ZNF384: variants seen among roughly 807,000 people sequenced by gnomAD.
ZNF384 encodes the protein CAG repeat protein 1.
A neutral mutation model predicts 65.0 loss-of-function variants in ZNF384; 20 were observed. That is an observed-to-expected ratio of 0.31 (90% CI 0.22 to 0.45). The LOEUF is 0.45. ZNF384 is among the 20% of genes least tolerant of loss of function. The pLI, the probability that ZNF384 is intolerant of heterozygous loss-of-function variation, is 1.00. For synonymous variants in ZNF384, 310 were observed against 303.9 expected (o/e 1.02, Z -0.21); for missense variants, 549 against 769.4 (o/e 0.71, Z 3.39).
Position 6,673,142 on chromosome 12 carries a change from G to T in ZNF384, c.1004+74C>A, listed in dbSNP as rs1447686193. 5.3e-6 allele frequency: 7 copies of T among 1,328,556 alleles called. No individual in the cohort carries two copies. The African/African-American group carries it at 1.0e-4, about 19-fold the overall frequency. The allele number at this position is 1,328,556 out of a possible 1,614,324, so 82.3% of individuals were successfully genotyped here. A position where few individuals can be genotyped will look rare whatever the true frequency, so the allele number is the denominator to read the frequency against. On this transcript the variant is annotated intron_variant, in intron 8 of 11. Coordinates refer to ENST00000683879, the MANE Select transcript of ZNF384 (RefSeq NM_001385745.1). This position sits in a 1 kb window ranked among gnomAD's most constrained non-coding sequence, Gnocchi z 4.7. Reference sequence around the variant, plus strand: ...AAAGGGAAAGAATAATACATGTGGAGAGAGGAGTAGGTGCAGGCAACATGG... The same window carrying T: ...AAAGGGAAAGAATAATACATGTGGATAGAGGAGTAGGTGCAGGCAACATGG...
Position 6,678,241 on chromosome 12 carries a change from G to C in ZNF384, c.572C>G (p.Pro191Arg), listed in dbSNP as rs199603610. 6.2e-7 allele frequency: 1 copy of C among 1,614,072 alleles called. No individual in the cohort carries two copies. The highest frequency in any genetic ancestry group is 8.5e-7 in the Non-Finnish European group (1 of 1,180,008). Residue 191 changes from proline (P) to arginine (R), a missense_variant, in exon 6 of 12, where the codon CCC (proline) becomes CGC (arginine). Physicochemically the swap from Pro to Arg is moderately radical, Grantham distance 103. This residue lies in a region of ZNF384 where 277 missense variants were observed against 337.2 expected (regional missense o/e 0.82). Transcript: ENST00000683879. This position sits in a 1 kb window ranked among gnomAD's most constrained non-coding sequence, Gnocchi z 4.9. Reference protein sequence around the residue: ...GGGGSVAPKPPRGRKKKRMLE... With the variant: ...GGGGSVAPKPRRGRKKKRMLE... ...CATCCGCTTCTTCTTCCGGCCCCGG[G>C]GTGGCTTAGGAGCCACACTGCCACC...
rs1158220278 is a variant in ZNF384 at position 6,678,948 on chromosome 12, G to A, written c.302C>T (p.Ala101Val). Reference sequence around the variant, plus strand: ...TGGAGAAGAGCAGAGTTGCTCACCAGCAGTCATCAGTCCTGTAGACGGCAC... The same window carrying A: ...TGGAGAAGAGCAGAGTTGCTCACCAACAGTCATCAGTCCTGTAGACGGCAC... ...VPVPSTGLMT[A>V]GVSCSQRWRR... The change falls in exon 4 of 12, where the codon GCT (alanine) becomes GTT (valine). Residue 101 changes from alanine to valine, a missense_variant and splice_region_variant. Physicochemically the swap from Ala to Val is moderately conservative, Grantham distance 64 (BLOSUM62 0). This residue lies in a region of ZNF384 where 277 missense variants were observed against 337.2 expected (regional missense o/e 0.82). Coordinates refer to ENST00000683879, the MANE Select transcript of ZNF384 (RefSeq NM_001385745.1). The surrounding 1 kb of genome is among the most constrained non-coding windows in gnomAD (Gnocchi z 4.9). 6.2e-7 allele frequency: 1 copy of A among 1,613,406 alleles called. No homozygotes were observed. The highest frequency in any genetic ancestry group is 1.1e-5 in the South Asian group (1 of 91,062).
At chr12:6,679,328 G>A in intron 3 of ZNF384, 127 bp downstream of exon 3, 3 of 1,210,854 alleles carry the variant, frequency 2.5e-6, no homozygotes, top group Non-Finnish European at 3.5e-6. Flanking sequence ...AGAAGCCCAG[G>A]CAGAAACACT....
At chr12:6,689,518 G>A (rs182654973), upstream of ZNF384, 1,764 of 152,542 alleles carry the variant, frequency 0.012, 22 homozygotes, top group Middle Eastern at 0.037. Flanking sequence ...AGCAATGTAG[G>A]GGGGGCGCTA....
In ZNF384 at chr12:6,673,128, A is replaced by G; in HGVS notation, c.1004+88T>C. On this transcript the variant is annotated intron_variant, in intron 8 of 11. Coordinates refer to ENST00000683879, the MANE Select transcript of ZNF384 (RefSeq NM_001385745.1). The surrounding 1 kb of genome is among the most constrained non-coding windows in gnomAD (Gnocchi z 4.7). Reference sequence around the variant, plus strand: ...AATGGGCAAAGGTGAAAGGGAAAGAATAATACATGTGGAGAGAGGAGTAGG... The same window carrying G: ...AATGGGCAAAGGTGAAAGGGAAAGAGTAATACATGTGGAGAGAGGAGTAGG... 1 of 1,226,604 alleles carries G rather than the reference A, an allele frequency of 8.2e-7. No individual in the cohort carries two copies. Among genetic ancestry groups the G allele is most frequent in the Middle Eastern group, 2.0e-4 (1 of 4,980 alleles). 76.0% of individuals were successfully genotyped at this position (1,226,604 alleles called of 1,614,324 possible). A position where few individuals can be genotyped will look rare whatever the true frequency, so the allele number is the denominator to read the frequency against.
chr12:6,687,587 T>C (rs1295205875), intron 2 of ZNF384, among the ~76,000 whole-genome samples: 1 of 152,182 alleles, frequency 6.6e-6, no homozygotes, highest in African/African-American at 2.4e-5. Context: ...GACCTACTTC[T>C]GGAGTCTACT....
At chr12:6,689,466 A>T (rs75448266), upstream of ZNF384, 1 of 152,304 alleles carries the variant, frequency 6.6e-6, no homozygotes, top group East Asian at 1.9e-4. Context: ...TGCGGAGAGA[A>T]GGCGGGAGCG....
chr12:6,680,400 G>T (rs1017814894), intron 2 of ZNF384, among the ~76,000 whole-genome samples: 3 of 152,166 alleles, frequency 2.0e-5, no homozygotes, highest in Admixed American at 6.5e-5. Context: ...TGTAATCCCA[G>T]CACTTTGGGA....
At chr12:6,682,890 G>A (rs1956565297) in intron 2 of ZNF384, among the ~76,000 whole-genome samples, 1 of 152,208 alleles carries the variant, frequency 6.6e-6, no homozygotes, top group South Asian at 2.1e-4. Flanking sequence ...TGCAGACAAT[G>A]CTAGGGGTTC....
At position 6,667,142 on chromosome 12, in the gene ZNF384, G is replaced by A. The variant is rs1407274416; in HGVS notation, c.*572C>T. On this transcript the variant is annotated 3_prime_UTR_variant, in exon 12 of 12. Transcript: ENST00000683879. ...AGCCCTTGCCCCCTTCAAATAAAAG[G>A]AGGTCTAGCCCCTACCCCAAATCTC... 1 of 244,218 alleles carries A rather than the reference G, an allele frequency of 4.1e-6. No individual in the cohort carries two copies. The allele number at this position is 244,218 out of a possible 1,614,324, so 15.1% of individuals were successfully genotyped here.
chr12:6,676,486 A>G (rs1376529211), intron 7 of ZNF384, among the ~76,000 whole-genome samples: 1 of 152,198 alleles, frequency 6.6e-6, no homozygotes, highest in East Asian at 1.9e-4. Flanking sequence ...TTCCAACTGT[A>G]TATGTGCATT....
chr12:6,676,018 T>C (rs1000769905), intron 7 of ZNF384, among the ~76,000 whole-genome samples: 5 of 152,142 alleles, frequency 3.3e-5, no homozygotes, highest in African/African-American at 1.2e-4. Context: ...AGATTTCTTT[T>C]GCCAGGCACA....
chr12:6,680,525 G>T (rs529911987), intron 2 of ZNF384, among the ~76,000 whole-genome samples: 105 of 152,144 alleles, frequency 6.9e-4, no homozygotes, highest in Non-Finnish European at 1.3e-3. Context: ...GCACATGCCT[G>T]TGATCCCAGC....
Position 6,677,194 on chromosome 12 carries a change from G to C in ZNF384, c.752C>G (p.Ser251Cys). 2.4e-6 allele frequency: 3 copies of C among 1,225,198 alleles called. No individual in the cohort carries two copies. The highest frequency in any genetic ancestry group is 3.3e-6 in the Non-Finnish European group (3 of 922,356). The allele number at this position is 1,225,198 out of a possible 1,614,324, so 75.9% of individuals were successfully genotyped here. Residue 251 changes from serine (S) to cysteine (C), a missense_variant, in exon 7 of 12, where the codon TCC (serine) becomes TGC (cysteine). Physicochemically the swap from Ser to Cys is moderately radical, Grantham distance 112. Around this residue, in one of 5 missense-constraint regions of ZNF384, gnomAD observed 277 missense variants for 337.2 expected, o/e 0.82. Coordinates refer to ENST00000683879, the MANE Select transcript of ZNF384 (RefSeq NM_001385745.1). The stretch of plus-strand genomic sequence containing the variant: ...AGGGTCACACAGCAAATTCGTGGTG[G>C]AGCCGGGAACTGAATCCATGAGCCC... ...SLGLMDSVPG[S>C]TTNLLCDPGC...
rs767618181 is a variant in ZNF384 at position 6,668,091 on chromosome 12, G to A, written c.1450C>T (p.Arg484Cys). ...TSETYLMKHMRKHNPPDLQQQ... is the reference protein window; with the variant it reads ...TSETYLMKHMCKHNPPDLQQQ... ...TGAAGATCAGGCGGGTTGTGTTTGC[G>A]CATATGTTTCATAAGGTATGTTTCC... Residue 484 changes from arginine to cysteine, a missense_variant, in exon 12 of 12, where the codon CGC becomes TGC. Arg to Cys is a radical substitution (Grantham distance 180). Coordinates refer to ENST00000683879, the MANE Select transcript of ZNF384 (RefSeq NM_001385745.1). 6.9e-6 allele frequency: 11 copies of A among 1,602,304 alleles called. No individual in the cohort carries two copies. Among genetic ancestry groups the A allele is most frequent in the Admixed American group, 5.1e-5 (3 of 58,668 alleles).
At chr12:6,686,110 T>A (rs35320923) in intron 2 of ZNF384, among the ~76,000 whole-genome samples, 5,723 of 152,216 alleles carry the variant, frequency 0.038, 410 homozygotes, top group African/African-American at 0.13. Flanking sequence ...CCACTAATTG[T>A]TTTTTTACTG....
chr12:6,683,045 C>T (rs538004210), intron 2 of ZNF384, among the ~76,000 whole-genome samples: 166 of 151,930 alleles, frequency 1.1e-3, no homozygotes, highest in African/African-American at 3.9e-3. Context: ...AATTCCTGCA[C>T]TTTGGGAGGC....
At chr12:6,685,850 G>A (rs1353032857) in intron 2 of ZNF384, among the ~76,000 whole-genome samples, 1 of 149,138 alleles carries the variant, frequency 6.7e-6, no homozygotes. Context: ...TCTCTTAAGA[G>A]ACACAAGGAA....
In ZNF384 at chr12:6,678,281, C is replaced by T. The variant is rs374860074; in HGVS notation, c.532G>A (p.Gly178Arg). 28 of 1,614,062 alleles carry T rather than the reference C, an allele frequency of 1.7e-5. No individual in the cohort carries two copies. Among genetic ancestry groups the T allele is most frequent in the South Asian group, 9.9e-5 (9 of 91,088 alleles). Residue 178 changes from glycine (G) to arginine (R), a missense_variant, in exon 6 of 12, where the codon GGA becomes AGA. Coordinates refer to ENST00000683879, the MANE Select transcript of ZNF384 (RefSeq NM_001385745.1). This position sits in a 1 kb window ranked among gnomAD's most constrained non-coding sequence, Gnocchi z 4.9. The stretch of plus-strand genomic sequence containing the variant: ...ACACTGCCACCTCCACCACCACCTC[C>T]GCCTCCTTCCTCGGTTAGGGTCGAT... ...VASTLTEEGG[G>R]GGGGGGSVAP...
Sources: gnomAD v4.1 joint callset for allele counts (sites outside exome capture counted in the v4.1 genomes callset) on GRCh38, gnomAD v4.1.1 for gene constraint, gnomAD v4.1.1 regional missense constraint, Gnocchi (gnomAD v3.1) non-coding constraint, MANE v1.5 for transcripts, NCBI Gene and HGNC (gene_info 2026-07-23, HGNC 2026-07-21) for gene names.